KCTD4: variants seen among roughly 807,000 people sequenced by gnomAD.
KCTD4 encodes potassium channel tetramerization domain containing 4.
Under a neutral mutation model 18.3 loss-of-function variants are expected in KCTD4, and 12 were observed. That is an observed-to-expected ratio of 0.66 (90% confidence interval 0.42 to 1.06). The LOEUF is 1.06. KCTD4 is among the 50% of genes least tolerant of loss of function. KCTD4 has a pLI of 0.00. For synonymous variants in KCTD4, 124 were observed against 110.5 expected, an observed-to-expected ratio of 1.12 and a Z score of -0.76; for missense variants, 250 against 303.4, an observed-to-expected ratio of 0.82 and a Z score of 1.31.
chr13:45,199,463 C>A (rs559403632), intron 1 of KCTD4, among the ~76,000 whole-genome samples: 3 of 152,160 alleles, frequency 2.0e-5, no homozygotes, highest in Admixed American at 6.5e-5. Flanking sequence ...TTCAGGGAAA[C>A]CTGTGTTTTA....
chr13:45,200,664 GGATA>G (rs772015817), intron 1 of KCTD4, among the ~76,000 whole-genome samples, 156 bp downstream of exon 1: 39 of 152,056 alleles, frequency 2.6e-4, no homozygotes, highest in Non-Finnish European at 4.3e-4. Flanking sequence ...AATAATACAG[GGATA>G]GAAAGTTTGC....
chr13:45,194,515 T>A lies in KCTD4; in HGVS notation c.53A>T (p.His18Leu), dbSNP rs1031943507. The A allele has an allele frequency of 6.2e-7, 1 of 1,614,036 alleles. No homozygotes were observed. Among genetic ancestry groups the A allele is most frequent in the African/African-American group, 1.3e-5 (1 of 74,932 alleles). Residue 18 changes from histidine (H) to leucine (L), a missense_variant, in exon 2 of 2, where the codon CAC becomes CTC. Physicochemically the swap from His to Leu is moderately conservative, Grantham distance 99 (BLOSUM62 -3). Transcript: ENST00000379108. ...REKEKEYEGKHNSLEDTDQGK... is the reference protein window; with the variant it reads ...REKEKEYEGKLNSLEDTDQGK... Reference sequence around the variant, plus strand: ...TTGATCAGTATCTTCCAGGCTGTTGTGTTTCCCTTCATACTCCTTTTCTTT... The same window carrying A: ...TTGATCAGTATCTTCCAGGCTGTTGAGTTTCCCTTCATACTCCTTTTCTTT...
At position 45,193,807 on chromosome 13, in the gene KCTD4, G is replaced by T. The variant is rs201765984; in HGVS notation, c.761C>A (p.Ala254Glu). The T allele has an allele frequency of 3.8e-6, 6 of 1,597,594 alleles. No individual in the cohort carries two copies. The highest frequency in any genetic ancestry group is 5.1e-6 in the Non-Finnish European group (6 of 1,173,818). ...CSKGSIVHSD[A>E]LHFIK is the part of the protein sequence containing the mutation. ...AGGTAATTACTTGATAAAATGAAGT[G>T]CATCGCTGTGAACAATTGACCCTTT... The change falls in exon 2 of 2, where the codon GCA becomes GAA. Residue 254 changes from alanine (A) to glutamate (E), a missense_variant. By Grantham distance (107) the Ala-to-Glu change is moderately radical. Transcript: ENST00000379108.
rs921891872 is a variant in KCTD4 at position 45,193,368 on chromosome 13, T to G, written c.*420A>C. The G allele has an allele frequency of 1.3e-5, 2 of 155,876 alleles. No individual in the cohort carries two copies. Among genetic ancestry groups the G allele is most frequent in the African/African-American group, 4.8e-5 (2 of 41,552 alleles). The allele number at this position is 155,876 out of a possible 1,614,324, so 9.7% of individuals were successfully genotyped here. Reference sequence around the variant, plus strand: ...TTGCCAGTTCAGTTTCTCTGTAGATTTTTGCCATAGTAGAAAAGGATTTTA... The same window carrying G: ...TTGCCAGTTCAGTTTCTCTGTAGATGTTTGCCATAGTAGAAAAGGATTTTA... On this transcript the variant is annotated 3_prime_UTR_variant, in exon 2 of 2. Coordinates refer to ENST00000379108, the MANE Select transcript of KCTD4 (RefSeq NM_198404.3).
Position 45,194,480 on chromosome 13 carries a change from A to C in KCTD4, c.88T>G (p.Cys30Gly). The change falls in exon 2 of 2, where the codon TGC becomes GGC. Residue 30 changes from cysteine to glycine, a missense_variant. By Grantham distance (159) the Cys-to-Gly change is radical (BLOSUM62 -3). Coordinates refer to ENST00000379108, the MANE Select transcript of KCTD4 (RefSeq NM_198404.3). ...SLEDTDQGKNCKSTLMTLNVG... is the reference protein window; with the variant it reads ...SLEDTDQGKNGKSTLMTLNVG... ...TTGAGGGTCATCAGTGTGGATTTGC[A>C]GTTCTTTCCTTGATCAGTATCTTCC... 6 of 1,614,128 alleles carry C rather than the reference A, an allele frequency of 3.7e-6. No individual in the cohort carries two copies. Among genetic ancestry groups the C allele is most frequent in the Non-Finnish European group, 5.1e-6 (6 of 1,179,980 alleles).
In KCTD4 at chr13:45,194,630, A is replaced by G; in HGVS notation, c.-63T>C. The G allele has an allele frequency of 1.4e-6, 2 of 1,413,746 alleles. No individual in the cohort carries two copies. Among genetic ancestry groups the G allele is most frequent in the Non-Finnish European group, 2.0e-6 (2 of 1,024,658 alleles). 87.6% of individuals were successfully genotyped at this position (1,413,746 alleles called of 1,614,324 possible). A position where few individuals can be genotyped will look rare whatever the true frequency, so the allele number is the denominator to read the frequency against. On this transcript the variant is annotated 5_prime_UTR_variant, in exon 2 of 2. Transcript: ENST00000379108. ...TTGAGATTTTTTAAAAAGAGACACTACCACACAAGCACGCCTTTATTCAGC... is the reference window on the plus strand; with the variant it reads ...TTGAGATTTTTTAAAAAGAGACACTGCCACACAAGCACGCCTTTATTCAGC...
intron 1 of KCTD4, among the ~76,000 whole-genome samples, chr13:45,196,706 T>C (rs1872912514): frequency 6.6e-6 from 1 of 152,178 alleles, no homozygotes; most frequent in East Asian, 1.9e-4. Context: ...AATAAAGTGA[T>C]GTGGATAGAT....
intron 1 of KCTD4, among the ~76,000 whole-genome samples, chr13:45,195,120 G>C (rs1289801450): frequency 6.6e-6 from 1 of 152,134 alleles, no homozygotes; most frequent in African/African-American, 2.4e-5. Flanking sequence ...ACATTTCAAA[G>C]TATTGTAGTC....
In KCTD4 at chr13:45,194,466, CAG is replaced by C; in HGVS notation, c.100_101del (p.Leu34AspfsTer26). ...TDQGKNCKSTLMTLNVGGYLY... is the reference protein window; with the variant it reads ...TDQGKNCKSTXMTLNVGGYLY... ...AATATCCACCAACGTTGAGGGTCATCAGTGTGGATTTGCAGTTCTTTCCTTGA... is the reference window on the plus strand; with the variant it reads ...AATATCCACCAACGTTGAGGGTCATCTGTGGATTTGCAGTTCTTTCCTTGA... On this transcript the variant is annotated frameshift_variant, in exon 2 of 2. Coordinates refer to ENST00000379108, the MANE Select transcript of KCTD4 (RefSeq NM_198404.3). LOFTEE classifies it high-confidence loss of function. 6.2e-7 allele frequency: 1 copy of C among 1,614,082 alleles called. No homozygotes were observed. The highest frequency in any genetic ancestry group is 8.5e-7 in the Non-Finnish European group (1 of 1,179,938).
chr13:45,196,345 T>A (rs1266978956), intron 1 of KCTD4, among the ~76,000 whole-genome samples: 1 of 152,216 alleles, frequency 6.6e-6, no homozygotes. Context: ...AAAACGTCCT[T>A]TACTCCTGCA....
intron 1 of KCTD4, among the ~76,000 whole-genome samples, chr13:45,197,136 T>C (rs1872935258): frequency 6.6e-6 from 1 of 151,900 alleles, no homozygotes; most frequent in Non-Finnish European, 1.5e-5. Flanking sequence ...AGCTTTGTCT[T>C]AGTGCCTGGC....
At position 45,194,688 on chromosome 13, in the gene KCTD4, G is replaced by GCAT; in HGVS notation, c.-124_-122dup. The GCAT allele has an allele frequency of 1.1e-6, 1 of 881,780 alleles. No individual in the cohort carries two copies. Among genetic ancestry groups the GCAT allele is most frequent in the Non-Finnish European group, 1.8e-6 (1 of 564,754 alleles). 54.6% of individuals were successfully genotyped at this position (881,780 alleles called of 1,614,324 possible). ...TGGTGATGGAATGGAAACGCTGGCA[G>GCAT]CATCGCCTGCGCTGTCAGCTCGGTT... On this transcript the variant is annotated 5_prime_UTR_variant, in exon 2 of 2. It adds an upstream start codon to the 5' untranslated region. Transcript: ENST00000379108.
At chr13:45,198,403 A>G (rs1349750288) in intron 1 of KCTD4, among the ~76,000 whole-genome samples, 1 of 152,250 alleles carries the variant, frequency 6.6e-6, no homozygotes, top group Non-Finnish European at 1.5e-5. Flanking sequence ...CGACTGGAAG[A>G]TACAAAAAGT....
At position 45,194,385 on chromosome 13, in the gene KCTD4, A is replaced by G. The variant is rs1872784366; in HGVS notation, c.183T>C (p.Gly61=). The G allele has an allele frequency of 3.1e-6, 5 of 1,613,988 alleles. No individual in the cohort carries two copies. Among genetic ancestry groups the G allele is most frequent in the Admixed American group, 1.7e-5 (1 of 60,004 alleles). Residue 61 remains glycine (G), a synonymous_variant, in exon 2 of 2, where the codon GGT becomes GGC. Coordinates refer to ENST00000379108, the MANE Select transcript of KCTD4 (RefSeq NM_198404.3). The part of the protein sequence containing the change: ...LTKYPDTFLE[G]IVNGKILCPF... Reference sequence around the variant, plus strand: ...GGCAGAGGATTTTTCCATTTACTATACCTTCAAGGAAAGTGTCTGGGTACT... The same window carrying G: ...GGCAGAGGATTTTTCCATTTACTATGCCTTCAAGGAAAGTGTCTGGGTACT...
Position 45,194,532 on chromosome 13 carries a change from C to G in KCTD4, c.36G>C (p.Lys12Asn), listed in dbSNP as rs544470707. 6.2e-7 allele frequency: 1 copy of G among 1,613,056 alleles called. No homozygotes were observed. Among genetic ancestry groups the G allele is most frequent in the Non-Finnish European group, 8.5e-7 (1 of 1,179,626 alleles). Residue 12 changes from lysine (K) to asparagine (N), a missense_variant, in exon 2 of 2, where the codon AAG becomes AAC. Physicochemically the swap from Lys to Asn is moderately conservative, Grantham distance 94 (BLOSUM62 0). Transcript: ENST00000379108. ...GGCTGTTGTGTTTCCCTTCATACTC[C>G]TTTTCTTTTTCTCTTCTGTTTATTT... ...ERKINRREKEKEYEGKHNSLE... is the reference protein window; with the variant it reads ...ERKINRREKENEYEGKHNSLE...
At chr13:45,199,383 A>G (rs1873062577) in intron 1 of KCTD4, among the ~76,000 whole-genome samples, 1 of 152,270 alleles carries the variant, frequency 6.6e-6, no homozygotes, top group African/African-American at 2.4e-5. Context: ...GATTTTCACT[A>G]CAGAGGCAAT....
intron 1 of KCTD4, among the ~76,000 whole-genome samples, chr13:45,199,009 ATGT>A (rs1873042597): frequency 6.6e-6 from 1 of 152,232 alleles, no homozygotes; most frequent in Admixed American, 6.5e-5. Context: ...TCTGCTCTAA[ATGT>A]TGTCTGCTAC....
At chr13:45,195,629 C>G (rs1202893698) in intron 1 of KCTD4, among the ~76,000 whole-genome samples, 1 of 152,118 alleles carries the variant, frequency 6.6e-6, no homozygotes, top group African/African-American at 2.4e-5. Context: ...TGATGTCACC[C>G]TCCACTTCTC....
rs1329053374 is a variant in KCTD4 at position 45,194,397 on chromosome 13, A to G, written c.171T>C (p.Thr57=). The part of the protein sequence containing the change: ...QKQTLTKYPD[T]FLEGIVNGKI... ...TTCCATTTACTATACCTTCAAGGAAAGTGTCTGGGTACTTGGTCAGTGTTT... is the reference window on the plus strand; with the variant it reads ...TTCCATTTACTATACCTTCAAGGAAGGTGTCTGGGTACTTGGTCAGTGTTT... The change falls in exon 2 of 2, where the codon ACT becomes ACC. Residue 57 remains threonine (T), a synonymous_variant. Transcript: ENST00000379108. 7.4e-6 allele frequency: 12 copies of G among 1,614,082 alleles called. No homozygotes were observed. Among genetic ancestry groups the G allele is most frequent in the East Asian group, 2.2e-5 (1 of 44,892 alleles).
Sources: allele counts gnomAD v4.1 joint callset (sites outside exome capture counted in the v4.1 genomes callset), GRCh38; gene constraint gnomAD v4.1.1; transcripts MANE v1.5; gene names NCBI Gene and HGNC (gene_info 2026-07-23, HGNC 2026-07-21).